CDH13: variants seen among roughly 807,000 people sequenced by gnomAD.
CDH13 encodes the protein cadherin-13.
Under a neutral mutation model 63.8 loss-of-function variants are expected in CDH13, and 24 were observed. The ratio of observed to expected loss-of-function variants is 0.38; its 90% confidence interval spans 0.27 to 0.53. CDH13 has a LOEUF of 0.53. CDH13 is among the 20% of genes least tolerant of loss of function. The pLI is 0.85. For missense variants in CDH13, 1,049 were observed against 903.1 expected (o/e 1.16, Z -2.07); for synonymous variants, 503 against 355.3 (o/e 1.42, Z -4.67).
intron 3 of CDH13, among the ~76,000 whole-genome samples, chr16:83,081,687 A>AAG (rs879394499): frequency 3.9e-4 from 58 of 149,982 alleles, no homozygotes; most frequent in East Asian, 3.7e-3. Context: ...TCACACAGTA[A>AAG]AGAGAGAGAG....
At chr16:83,610,242 A>G (rs577021580) in intron 8 of CDH13, among the ~76,000 whole-genome samples, 1 of 152,334 alleles carries the variant, frequency 6.6e-6, no homozygotes, top group Admixed American at 6.5e-5. Flanking sequence ...TAGAATAAAA[A>G]AAAAAAGTAC....
chr16:83,527,130 C>CA lies in CDH13; in HGVS notation c.960+40487dup, dbSNP rs35647015. On this transcript the variant is annotated intron_variant, in intron 7 of 13. Transcript: ENST00000567109. Reference sequence around the variant, plus strand: ...TGGGCAACAGAGCAAGACTCTGTCTCAAAAAAAAAAAATTGTTTTAATTAA... The same window carrying CA: ...TGGGCAACAGAGCAAGACTCTGTCTCAAAAAAAAAAAAATTGTTTTAATTAA... Among the ~76,000 whole-genome samples, 653 of 148,122 alleles carry CA rather than the reference C, an allele frequency of 4.4e-3. 9 individuals carry two copies. The East Asian group carries it at 0.067, about 15-fold the overall frequency.
In CDH13 at chr16:83,532,860, G is replaced by A. The variant is rs186007179; in HGVS notation, c.960+46205G>A. On this transcript the variant is annotated intron_variant, in intron 7 of 13. Transcript: ENST00000567109. ...GAGCCATGCGTTGTGCCAACATCCC[G>A]GCAGACGGAATTCAGCAGTGCCACG... Among the ~76,000 whole-genome samples, 33 of 152,264 alleles carry A rather than the reference G, an allele frequency of 2.2e-4. 1 individual carries two copies. The highest frequency in any genetic ancestry group is 9.7e-4 in the East Asian group (5 of 5,172).
At chr16:83,505,027 TGCCTCATCATAGTCA>T (rs2074364237) in intron 7 of CDH13, among the ~76,000 whole-genome samples, 1 of 152,168 alleles carries the variant, frequency 6.6e-6, no homozygotes, top group Non-Finnish European at 1.5e-5. Flanking sequence ...AGAGCATTGA[TGCCTCATCATAGTCA>T]GCCAGCTGTG....
intron 10 of CDH13, among the ~76,000 whole-genome samples, chr16:83,692,175 T>G (rs1904970335): frequency 6.6e-6 from 1 of 152,226 alleles, no homozygotes; most frequent in African/African-American, 2.4e-5. Flanking sequence ...ACTTCTGTTT[T>G]TCAGAATAAA....
intron 7 of CDH13, among the ~76,000 whole-genome samples, chr16:83,537,371 C>T (rs1165233980): frequency 6.6e-6 from 1 of 152,030 alleles, no homozygotes; most frequent in Non-Finnish European, 1.5e-5. Flanking sequence ...TAGGCTGCAA[C>T]CTAAAGGTGA....
chr16:82,849,668 A>G (rs893150263), intron 1 of CDH13, among the ~76,000 whole-genome samples: 6 of 152,248 alleles, frequency 3.9e-5, no homozygotes, highest in South Asian at 2.1e-4. Flanking sequence ...TGAAGATCCC[A>G]TCTAGGACTT....
chr16:82,855,134 C>T (rs372277096), intron 1 of CDH13, among the ~76,000 whole-genome samples: 2 of 152,280 alleles, frequency 1.3e-5, no homozygotes, highest in African/African-American at 4.8e-5. Context: ...AAAACTGTGC[C>T]TTTGGGGCTT....
chr16:82,841,265 G>C (rs1373200446), intron 1 of CDH13, among the ~76,000 whole-genome samples: 1 of 152,212 alleles, frequency 6.6e-6, no homozygotes, highest in Non-Finnish European at 1.5e-5. Flanking sequence ...GTGGCCATAT[G>C]GGACGTGCCA....
intron 1 of CDH13, among the ~76,000 whole-genome samples, chr16:82,708,855 G>A (rs771480594): frequency 6.6e-6 from 1 of 152,204 alleles, no homozygotes; most frequent in Non-Finnish European, 1.5e-5. Flanking sequence ...AAAGTACTCT[G>A]TGGAGCTGAC....
intron 9 of CDH13, among the ~76,000 whole-genome samples, chr16:83,676,531 G>A (rs535099678): frequency 1.3e-5 from 2 of 152,314 alleles, no homozygotes; most frequent in Admixed American, 1.3e-4. Context: ...GGCATCACTT[G>A]GGATGGACAG....
chr16:82,871,535 G>C (rs189715103), intron 2 of CDH13, among the ~76,000 whole-genome samples: 69 of 152,290 alleles, frequency 4.5e-4, no homozygotes, highest in African/African-American at 1.5e-3. Context: ...AGAATCACTG[G>C]AGTCTAATCC....
chr16:83,402,253 C>T (rs912126910), intron 6 of CDH13, among the ~76,000 whole-genome samples: 1 of 152,144 alleles, frequency 6.6e-6, no homozygotes, highest in African/African-American at 2.4e-5. Flanking sequence ...CGGAGCGCCA[C>T]CTATTGACCA....
intron 1 of CDH13, among the ~76,000 whole-genome samples, chr16:82,631,452 T>C (rs373825854): frequency 3.3e-5 from 5 of 152,340 alleles, no homozygotes; most frequent in African/African-American, 1.2e-4. Context: ...CCCCCTGTCA[T>C]CCAATTACAA....
chr16:83,471,998 T>C (rs896184043), intron 6 of CDH13, among the ~76,000 whole-genome samples: 1 of 152,246 alleles, frequency 6.6e-6, no homozygotes, highest in Non-Finnish European at 1.5e-5. Context: ...TGAAGACTTC[T>C]CTTCTGCTTC....
chr16:83,208,764 G>A (rs1210237982), intron 4 of CDH13, among the ~76,000 whole-genome samples: 1 of 152,124 alleles, frequency 6.6e-6, no homozygotes, highest in South Asian at 2.1e-4. Flanking sequence ...CATATGTATA[G>A]TTATCATCCT....
chr16:83,178,041 A>T (rs1444316088), intron 4 of CDH13, among the ~76,000 whole-genome samples: 1 of 152,154 alleles, frequency 6.6e-6, no homozygotes, highest in African/African-American at 2.4e-5. Flanking sequence ...GCATAGAAAA[A>T]AATAGTACCA....
intron 1 of CDH13, among the ~76,000 whole-genome samples, chr16:82,758,428 C>A (rs1198893440): frequency 1.7e-3 from 1 of 590 alleles, no homozygotes; most frequent in African/African-American, 5.2e-3. Context: ...CTGTTGATAC[C>A]CCCCCCCCTT....
chr16:83,214,068 C>G (rs2039420743), intron 4 of CDH13, among the ~76,000 whole-genome samples: 1 of 152,054 alleles, frequency 6.6e-6, no homozygotes. Flanking sequence ...GCTGGCCACC[C>G]CCAAGGCAGC....
Sources: allele counts gnomAD v4.1 joint callset (sites outside exome capture counted in the v4.1 genomes callset), GRCh38; gene constraint gnomAD v4.1.1; transcripts MANE v1.5; gene names NCBI Gene and HGNC (gene_info 2026-07-23, HGNC 2026-07-21).